Variants in NEMF observed in about 807,000 individuals in gnomAD.
The protein encoded by NEMF is ribosome quality control complex subunit NEMF.
NEMF carries 89 observed loss-of-function variants against 162.2 expected under a neutral mutation model. That is an observed-to-expected ratio of 0.55 (90% CI 0.46 to 0.65). The LOEUF (loss-of-function observed/expected upper bound fraction) is 0.65, where lower values mean the gene tolerates loss of function less well. Among genes scored for constraint, NEMF ranks in the 30% least tolerant of loss-of-function variants. NEMF has a pLI of 0.00. For missense variants in NEMF, 1,133 were observed against 1,261.9 expected (o/e 0.90, Z 1.55); for synonymous variants, 421 against 404.5 (o/e 1.04, Z -0.49).
At chr14:49,826,561 G>C (rs1374330041) in intron 15 of NEMF, among the ~76,000 whole-genome samples, 1 of 98,916 alleles carries the variant, frequency 1.0e-5, no homozygotes, top group Non-Finnish European at 2.1e-5. Context: ...AAAAAAAAAA[G>C]ACCAGCAAGT....
chr14:49,783,153 TTAAAG>T lies in NEMF; in HGVS notation c.*1478_*1482del, dbSNP rs768022208. 8.1e-5 allele frequency: 33 copies of T among 408,166 alleles called. No individual in the cohort carries two copies. The highest frequency in any genetic ancestry group is 1.3e-4 in the Non-Finnish European group (30 of 234,682). 25.3% of individuals were successfully genotyped at this position (408,166 alleles called of 1,614,324 possible). ...ATTTAACACCAGTAGCTGTCCTCTA[TTAAAG>T]TAAAGTAATGGTTGGGCTTTTTACC... On this transcript the variant is annotated 3_prime_UTR_variant, in exon 33 of 33. Transcript: ENST00000298310.
At chr14:49,794,619 T>TAA (rs397852715) in intron 26 of NEMF, among the ~76,000 whole-genome samples, 34 of 90,336 alleles carry the variant, frequency 3.8e-4, no homozygotes, top group African/African-American at 6.9e-4. Context: ...ACCCTGTCTC[T>TAA]AAAAAAAAAA....
At chr14:49,788,166 C>T (rs544874279) in intron 28 of NEMF, among the ~76,000 whole-genome samples, 2 of 151,134 alleles carry the variant, frequency 1.3e-5, no homozygotes, top group African/African-American at 4.9e-5. Flanking sequence ...GTAATCCCAG[C>T]TACTCAGAAG....
intron 8 of NEMF, 123 bp from the exon 9 acceptor site, chr14:49,832,400 C>A: frequency 3.2e-6 from 2 of 622,614 alleles, no homozygotes; most frequent in Non-Finnish European, 2.7e-6. Flanking sequence ...GGTATATTCT[C>A]GGCTCACTGC....
intron 28 of NEMF, 35 bp from the exon 29 acceptor site, chr14:49,786,785 A>T (rs1194693896): frequency 2.4e-5 from 38 of 1,589,984 alleles, no homozygotes; most frequent in Middle Eastern, 1.7e-4. Context: ...AATGTCAGCT[A>T]TAATGTAAAA....
At chr14:49,798,869 T>C (rs1890815952) in intron 25 of NEMF, among the ~76,000 whole-genome samples, 2 of 151,474 alleles carry the variant, frequency 1.3e-5, no homozygotes, top group Non-Finnish European at 1.5e-5. Context: ...ATCATGCCAC[T>C]GCACTCCAGC....
At chr14:49,834,062 ATT>A (rs754084178) in intron 7 of NEMF, 38 of 400,004 alleles carry the variant, frequency 9.5e-5, no homozygotes, top group South Asian at 1.3e-4. Flanking sequence ...ATCTCATTCA[ATT>A]TTTTTTTTTG....
intron 5 of NEMF, 38 bp from the exon 6 acceptor site, chr14:49,838,244 A>T (rs945904901): frequency 6.4e-7 from 1 of 1,561,194 alleles, no homozygotes; most frequent in African/African-American, 1.4e-5. Context: ...TCATATCTTA[A>T]ATAAACCTTA....
chr14:49,810,350 G>A (rs1891417274), intron 18 of NEMF, among the ~76,000 whole-genome samples: 1 of 152,084 alleles, frequency 6.6e-6, no homozygotes, highest in African/African-American at 2.4e-5. Flanking sequence ...CTGGGTGACA[G>A]TGCAAGACTC....
chr14:49,842,720 T>C (rs549854652), intron 4 of NEMF, among the ~76,000 whole-genome samples: 40 of 152,262 alleles, frequency 2.6e-4, no homozygotes, highest in African/African-American at 9.1e-4. Flanking sequence ...GAAAAACTAG[T>C]AGCAGGCCAG....
intron 16 of NEMF, among the ~76,000 whole-genome samples, chr14:49,816,262 G>A (rs1036286894): frequency 7.2e-5 from 11 of 152,090 alleles, no homozygotes; most frequent in African/African-American, 2.4e-4. Context: ...AATTTCTTAC[G>A]CCTGTCTTAC....
At position 49,852,226 on chromosome 14, in the gene NEMF, GAAT is replaced by G. The variant is rs1467291429; in HGVS notation, c.60-354_60-352del. On this transcript the variant is annotated intron_variant, in intron 1 of 32. Transcript: ENST00000298310. Reference sequence around the variant, plus strand: ...AAAATATGACAAAGCTCACAGGGCTGAATAATAGAATCCAGACTAGAATCCAGA... The same window carrying G: ...AAAATATGACAAAGCTCACAGGGCTGAATAGAATCCAGACTAGAATCCAGA... 2.0e-5 allele frequency among the ~76,000 whole-genome samples: 3 copies of G among 152,168 alleles called. No individual in the cohort carries two copies. The East Asian group carries it at 5.8e-4, about 29-fold the overall frequency.
In NEMF at chr14:49,786,715, T is replaced by TA; in HGVS notation, c.2928+2dup. ...TAGTAGGAACCCCAACATAAAATCA[T>TA]ACCTCATTTCCCTGTTGATCCAGAT... On this transcript the variant is annotated splice_region_variant and intron_variant, in intron 29 of 32. Transcript: ENST00000298310. 6.2e-7 allele frequency: 1 copy of TA among 1,612,312 alleles called. No individual in the cohort carries two copies. The highest frequency in any genetic ancestry group is 8.5e-7 in the Non-Finnish European group (1 of 1,178,466).
chr14:49,848,975 T>C (rs1436139743), intron 3 of NEMF, among the ~76,000 whole-genome samples: 3 of 152,106 alleles, frequency 2.0e-5, no homozygotes, highest in Non-Finnish European at 2.9e-5. Context: ...AAATTCATTA[T>C]TAAAATTAAT....
intron 16 of NEMF, among the ~76,000 whole-genome samples, chr14:49,817,413 C>A (rs1199374240): frequency 6.6e-6 from 1 of 152,098 alleles, no homozygotes. Flanking sequence ...GCACTTCAGC[C>A]TGGGTGACAG....
At position 49,784,702 on chromosome 14, in the gene NEMF, T is replaced by C. The variant is rs778846439; in HGVS notation, c.3165A>G (p.Leu1055=). 10 of 1,612,738 alleles carry C rather than the reference T, an allele frequency of 6.2e-6. No homozygotes were observed. The highest frequency in any genetic ancestry group is 5.5e-5 in the South Asian group (5 of 90,898). The change falls in exon 33 of 33, where the codon TTA becomes TTG. Residue 1055 remains leucine, a synonymous_variant. Transcript: ENST00000298310. The part of the protein sequence containing the change: ...DLFRSVKDTD[L]SRNIPGKVKV... ...TCACTTTGCCAGGAATGTTTCTTGA[T>C]AAATCTGTGTCCTAAAAAAAGAAAA...
Position 49,802,438 on chromosome 14 carries a change from A to G in NEMF, c.2095+15T>C. On this transcript the variant is annotated intron_variant, in intron 22 of 32. Coordinates refer to ENST00000298310, the MANE Select transcript of NEMF (RefSeq NM_004713.6). ...AAAAACATCACAAGCTAATTTCTTA[A>G]AATCTATAAACTACCTAATTGTTCC... 6.2e-7 allele frequency: 1 copy of G among 1,609,244 alleles called. No homozygotes were observed. The highest frequency in any genetic ancestry group is 8.5e-7 in the Non-Finnish European group (1 of 1,178,488).
chr14:49,852,443 G>A (rs1343637705), intron 1 of NEMF, among the ~76,000 whole-genome samples: 1 of 152,260 alleles, frequency 6.6e-6, no homozygotes, highest in African/African-American at 2.4e-5. Flanking sequence ...AACAATGCAA[G>A]AGCTTCGCGC....
rs775366174 is a variant in NEMF, at chr14:49,828,785, C to T, written c.1255G>A (p.Glu419Lys). 1.9e-6 allele frequency: 3 copies of T among 1,548,378 alleles called. No individual in the cohort carries two copies. Among genetic ancestry groups the T allele is most frequent in the Non-Finnish European group, 2.6e-6 (3 of 1,140,820 alleles). Residue 419 changes from glutamate (E) to lysine (K), a missense_variant, in exon 14 of 33, where the codon GAG (glutamate) becomes AAG (lysine). This residue lies in a region of NEMF where 582 missense variants were observed against 631.5 expected (regional missense o/e 0.92). Transcript: ENST00000298310. ...LLRNPYLLSE[E>K]EDDDVDGDVN... ...TCACCATCAACATCATCATCTTCCT[C>T]CTCTGATAACAAGTATGGATTTCTA...
Sources: gnomAD v4.1 joint callset for allele counts (sites outside exome capture counted in the v4.1 genomes callset) on GRCh38, gnomAD v4.1.1 for gene constraint, gnomAD v4.1.1 regional missense constraint, MANE v1.5 for transcripts, NCBI Gene and HGNC (gene_info 2026-07-23, HGNC 2026-07-21) for gene names.